CDCA7L: variants seen among roughly 807,000 people sequenced by gnomAD.
CDCA7L encodes cell division cycle-associated 7-like protein.
In CDCA7L, 44 loss-of-function variants were observed where a neutral mutation model predicts 57.4. That is an observed-to-expected ratio of 0.77 (90% CI 0.60 to 0.98). CDCA7L has a LOEUF of 0.98. Among genes scored for constraint, CDCA7L ranks in the 50% least tolerant of loss-of-function variants. The pLI is 0.00. For synonymous variants in CDCA7L, 236 were observed against 202.8 expected (o/e 1.16, Z -1.39); for missense variants, 644 against 580.6 (o/e 1.11, Z -1.12).
chr7:21,923,236 C>T (rs556342033), intron 1 of CDCA7L, among the ~76,000 whole-genome samples: 1 of 152,260 alleles, frequency 6.6e-6, no homozygotes, highest in African/African-American at 2.4e-5. Context: ...TACCTGTAAT[C>T]CCAGCACTCT....
rs1785198230 is a variant in CDCA7L at position 21,908,140 on chromosome 7, T to C, written c.671A>G (p.Asn224Ser). 6.5e-7 allele frequency: 1 copy of C among 1,549,986 alleles called. No homozygotes were observed. Among genetic ancestry groups the C allele is most frequent in the Non-Finnish European group, 8.6e-7 (1 of 1,159,714 alleles). ...LLKRTMNIKE[N>S]KAMLAQLLAE... is the part of the protein sequence containing the mutation. ...TCCGTGAAGCCTCACCATGGCTTTG[T>C]TCTCCTTGATGTTCATGGTCCTTTT... is the stretch of plus-strand genomic sequence containing the variant. The change falls in exon 4 of 10, where the codon AAC (asparagine) becomes AGC (serine). Residue 224 changes from asparagine (N) to serine (S), a missense_variant. Physicochemically the swap from Asn to Ser is conservative, Grantham distance 46. Transcript: ENST00000406877.
In CDCA7L at chr7:21,903,112, A is replaced by C; in HGVS notation, c.1200T>G (p.Asp400Glu). The C allele has an allele frequency of 1.2e-6, 2 of 1,613,320 alleles. No homozygotes were observed. The highest frequency in any genetic ancestry group is 1.7e-5 in the Admixed American group (1 of 59,982). Residue 400 changes from aspartate (D) to glutamate (E), a missense_variant and splice_region_variant, in exon 9 of 10, where the codon GAT (aspartate) becomes GAG (glutamate). Physicochemically the swap from Asp to Glu is conservative, Grantham distance 45 (BLOSUM62 2). Transcript: ENST00000406877. Reference protein sequence around the residue: ...EDVRSALLDPDWVCPPCRGIC... With the variant: ...EDVRSALLDPEWVCPPCRGIC... ...TCCCACGACAGGGGGGACACACCCA[A>C]TCCTAACAGAGAGATGACAGCAGAC...
chr7:21,912,790 T>C (rs1712884323), intron 2 of CDCA7L, among the ~76,000 whole-genome samples: 1 of 152,164 alleles, frequency 6.6e-6, no homozygotes, highest in Non-Finnish European at 1.5e-5. Context: ...TGAACAACCA[T>C]GGCTAGGTGG....
Position 21,903,798 on chromosome 7 carries a change from A to AAATC in CDCA7L, c.1197+308_1197+311dup, listed in dbSNP as rs568915306. The stretch of plus-strand genomic sequence containing the variant: ...CAGCCTGGCCCAGGAAAAACAAAAC[A>AAATC]AATCAGAGGGAAATCACTTTGCTGA... On this transcript the variant is annotated intron_variant, in intron 8 of 9. Coordinates refer to ENST00000406877, the MANE Select transcript of CDCA7L (RefSeq NM_018719.5). 66 of 235,450 alleles carry AAATC rather than the reference A, an allele frequency of 2.8e-4. 1 individual carries two copies. In the East Asian group the frequency reaches 4.2e-3, roughly 15 times the overall value. The allele number at this position is 235,450 out of a possible 1,614,324, so 14.6% of individuals were successfully genotyped here.
intron 1 of CDCA7L, among the ~76,000 whole-genome samples, chr7:21,937,153 G>A (rs74670896): frequency 0.036 from 5,445 of 152,238 alleles, 126 homozygotes; most frequent in Middle Eastern, 0.061. Flanking sequence ...GGAAGACAAG[G>A]AAATGGAGAA....
intron 2 of CDCA7L, among the ~76,000 whole-genome samples, chr7:21,913,719 T>A (rs1785400270): frequency 6.6e-6 from 1 of 152,204 alleles, no homozygotes; most frequent in East Asian, 1.9e-4. Context: ...AAGCTATGAG[T>A]TCCCATCTTC....
chr7:21,905,357 G>A lies in CDCA7L; in HGVS notation c.1047+149C>T, dbSNP rs1021705332. 8 of 805,268 alleles carry A rather than the reference G, an allele frequency of 9.9e-6. No homozygotes were observed. The African/African-American group carries it at 1.0e-4, about 10-fold the overall frequency. The allele number at this position is 805,268 out of a possible 1,614,324, so 49.9% of individuals were successfully genotyped here. A position where few individuals can be genotyped will look rare whatever the true frequency, so the allele number is the denominator to read the frequency against. On this transcript the variant is annotated intron_variant, in intron 7 of 9. Transcript: ENST00000406877. ...CACTAGGCTGCCTCCCCTTTCCCAG[G>A]TACAGCTGACTTTTGACCCTCCAAT...
intron 3 of CDCA7L, among the ~76,000 whole-genome samples, chr7:21,908,904 C>T (rs890404792): frequency 2.0e-5 from 3 of 152,104 alleles, no homozygotes; most frequent in African/African-American, 4.8e-5. Flanking sequence ...AAGGACGCAA[C>T]GGGGGAAAAA....
At position 21,904,099 on chromosome 7, in the gene CDCA7L, A is replaced by G. The variant is rs767950305; in HGVS notation, c.1197+11T>C. On this transcript the variant is annotated intron_variant, in intron 8 of 9. Coordinates refer to ENST00000406877, the MANE Select transcript of CDCA7L (RefSeq NM_018719.5). ...AATACAATTTACAACAAATGCAAAC[A>G]CTGTTCCTACCGGGTCCAGCAATGC... The G allele has an allele frequency of 1.3e-6, 2 of 1,576,712 alleles. No homozygotes were observed. Among genetic ancestry groups the G allele is most frequent in the South Asian group, 1.2e-5 (1 of 83,396 alleles).
At position 21,945,833 on chromosome 7, in the gene CDCA7L, C is replaced by T. The variant is rs777750608; in HGVS notation, c.-29G>A. On this transcript the variant is annotated 5_prime_UTR_variant, in exon 1 of 10. Coordinates refer to ENST00000406877, the MANE Select transcript of CDCA7L (RefSeq NM_018719.5). ...TCCTAACCGGGCTCCAGTCTCCTCC[C>T]AGCACGCGGCCACGGGAGCCCGGAC... The T allele has an allele frequency of 5.0e-6, 8 of 1,593,358 alleles. No individual in the cohort carries two copies. Among genetic ancestry groups the T allele is most frequent in the Non-Finnish European group, 1.7e-6 (2 of 1,171,860 alleles).
At chr7:21,922,936 G>C (rs1469886495) in intron 1 of CDCA7L, among the ~76,000 whole-genome samples, 1 of 152,176 alleles carries the variant, frequency 6.6e-6, no homozygotes, top group Non-Finnish European at 1.5e-5. Flanking sequence ...AGAACGGTAT[G>C]ATTCTACTTA....
chr7:21,933,777 T>A (rs1412224993), intron 1 of CDCA7L, among the ~76,000 whole-genome samples: 2 of 151,218 alleles, frequency 1.3e-5, no homozygotes, highest in Non-Finnish European at 2.9e-5. Context: ...GTTCTGCACA[T>A]GCATCCCAGA....
chr7:21,942,946 G>A (rs1048343540), intron 1 of CDCA7L, among the ~76,000 whole-genome samples: 8 of 152,126 alleles, frequency 5.3e-5, no homozygotes, highest in Admixed American at 5.2e-4. Flanking sequence ...CTTCAACAGC[G>A]TGCTCCTGCC....
At position 21,917,836 on chromosome 7, in the gene CDCA7L, G is replaced by A. The variant is rs1408617517; in HGVS notation, c.25-942C>T. 4.3e-5 allele frequency among the ~76,000 whole-genome samples: 6 copies of A among 138,636 alleles called. No individual in the cohort carries two copies. The East Asian group carries it at 7.0e-4, about 16-fold the overall frequency. The allele number at this position is 138,636 out of a possible 152,430, so 91.0% of individuals were successfully genotyped here. On this transcript the variant is annotated intron_variant, in intron 1 of 9. Coordinates refer to ENST00000406877, the MANE Select transcript of CDCA7L (RefSeq NM_018719.5). Reference sequence around the variant, plus strand: ...ATATAATTCAGCACATATCTCCCACGGATAAGGACATTCTCCCATAGAACC... The same window carrying A: ...ATATAATTCAGCACATATCTCCCACAGATAAGGACATTCTCCCATAGAACC...
At chr7:21,921,783 G>T (rs934409034) in intron 1 of CDCA7L, among the ~76,000 whole-genome samples, 2 of 151,734 alleles carry the variant, frequency 1.3e-5, no homozygotes, top group Non-Finnish European at 2.9e-5. Flanking sequence ...AAAAAAAAAG[G>T]GAAAATTCTC....
intron 1 of CDCA7L, among the ~76,000 whole-genome samples, chr7:21,942,070 A>C (rs532376088): frequency 1.1e-3 from 162 of 151,252 alleles, no homozygotes; most frequent in African/African-American, 3.8e-3. Context: ...TTGTTCTTCC[A>C]CCCTACCAAT....
At chr7:21,902,471 T>C in intron 9 of CDCA7L, 119 bp from the exon 10 acceptor site, 2 of 967,238 alleles carry the variant, frequency 2.1e-6, no homozygotes, top group Non-Finnish European at 1.7e-6. Context: ...CTCCTGACAC[T>C]CGAAATCCTG....
In CDCA7L at chr7:21,903,722, C is replaced by T. The variant is rs72658849; in HGVS notation, c.1197+388G>A. On this transcript the variant is annotated intron_variant, in intron 8 of 9. Transcript: ENST00000406877. ...GTAACAGAGTGAGCGACAGCTTGCA[C>T]AGTGCCAGGCACACAGAGAGCACTC... is the stretch of plus-strand genomic sequence containing the variant. The T allele has an allele frequency of 7.1e-3, 1,101 of 155,500 alleles. 8 individuals are homozygous for T. The highest frequency in any genetic ancestry group is 0.01 in the Non-Finnish European group (770 of 75,012). The allele number at this position is 155,500 out of a possible 1,614,324, so 9.6% of individuals were successfully genotyped here. A position where few individuals can be genotyped will look rare whatever the true frequency, so the allele number is the denominator to read the frequency against.
chr7:21,931,577 C>T (rs1445054856), intron 1 of CDCA7L, among the ~76,000 whole-genome samples: 2 of 152,174 alleles, frequency 1.3e-5, no homozygotes, highest in African/African-American at 4.8e-5. Flanking sequence ...AAATTCAACA[C>T]CGATTCCTGC....
Sources: gnomAD v4.1 joint callset for allele counts (sites outside exome capture counted in the v4.1 genomes callset) on GRCh38, gnomAD v4.1.1 for gene constraint, MANE v1.5 for transcripts, NCBI Gene and HGNC (gene_info 2026-07-23, HGNC 2026-07-21) for gene names.